NRG3: variants seen among roughly 807,000 people sequenced by gnomAD.
NRG3 encodes the protein pro-neuregulin-3, membrane-bound isoform.
Under a neutral mutation model 66.9 loss-of-function variants are expected in NRG3, and 31 were observed. The ratio of observed to expected loss-of-function variants is 0.46; its 90% CI spans 0.35 to 0.63. The LOEUF (loss-of-function observed/expected upper bound fraction) is 0.63, where lower values mean the gene tolerates loss of function less well. NRG3 is among the 20% of genes least tolerant of loss of function. NRG3 has a pLI of 0.00. For missense variants in NRG3, 910 were observed against 878.9 expected (o/e 1.04, Z -0.45); for synonymous variants, 393 against 359.4 (o/e 1.09, Z -1.06).
At chr10:82,216,606 A>G (rs1339383836) in intron 1 of NRG3, among the ~76,000 whole-genome samples, 1 of 127,494 alleles carries the variant, frequency 7.8e-6, no homozygotes, top group Non-Finnish European at 1.6e-5. Flanking sequence ...ATAGATATAT[A>G]TAGATATATA....
chr10:82,752,756 CT>C (rs2058922996), intron 3 of NRG3, among the ~76,000 whole-genome samples: 1 of 152,206 alleles, frequency 6.6e-6, no homozygotes, highest in Non-Finnish European at 1.5e-5. Flanking sequence ...AGCTGCCTTG[CT>C]TCTTCCACCA....
chr10:81,892,129 A>G (rs372838942), intron 1 of NRG3, among the ~76,000 whole-genome samples: 2 of 152,116 alleles, frequency 1.3e-5, no homozygotes, highest in Non-Finnish European at 1.5e-5. Flanking sequence ...CTTGTTTACA[A>G]CTTTAAAAAA....
At chr10:82,016,249 T>C (rs1190068492) in intron 1 of NRG3, among the ~76,000 whole-genome samples, 1 of 152,100 alleles carries the variant, frequency 6.6e-6, no homozygotes, top group Non-Finnish European at 1.5e-5. Flanking sequence ...GCCCATAGAA[T>C]GTGCTTTTAC....
In NRG3 at chr10:82,636,706, T is replaced by G. The variant is rs12261711; in HGVS notation, c.954-101871T>G. ...ATTCTAAATAATGTTGCAATGAACA[T>G]GGGCATGGAGATATCTTTATGAGGT... On this transcript the variant is annotated intron_variant, in intron 2 of 8. Coordinates refer to ENST00000372141, the MANE Select transcript of NRG3 (RefSeq NM_001010848.4). 8.9e-4 allele frequency among the ~76,000 whole-genome samples: 136 copies of G among 152,282 alleles called. 2 individuals carry two copies. Among genetic ancestry groups the G allele is most frequent in the African/African-American group, 3.2e-3 (131 of 41,546 alleles).
At chr10:81,916,534 G>T (rs1286074117) in intron 1 of NRG3, among the ~76,000 whole-genome samples, 1 of 152,202 alleles carries the variant, frequency 6.6e-6, no homozygotes, top group East Asian at 1.9e-4. Flanking sequence ...GGGGGGCTTT[G>T]TGTAGCATCA....
At chr10:82,732,832 A>G (rs954131927) in intron 2 of NRG3, among the ~76,000 whole-genome samples, 2 of 152,212 alleles carry the variant, frequency 1.3e-5, no homozygotes, top group African/African-American at 4.8e-5. Flanking sequence ...ATGCCAGACG[A>G]TCTTTCCATT....
At chr10:82,186,260 A>G (rs761683162) in intron 1 of NRG3, among the ~76,000 whole-genome samples, 9 of 152,284 alleles carry the variant, frequency 5.9e-5, no homozygotes, top group Middle Eastern at 3.4e-3. Context: ...AATCTTCACC[A>G]GTAAAGAGGA....
chr10:82,966,720 C>T (rs924734441), intron 6 of NRG3, among the ~76,000 whole-genome samples: 6 of 152,146 alleles, frequency 3.9e-5, no homozygotes, highest in African/African-American at 1.4e-4. Context: ...TGTCTCTTCT[C>T]TCCCATTTAC....
intron 2 of NRG3, among the ~76,000 whole-genome samples, chr10:82,655,159 C>A (rs2051739077): frequency 6.6e-6 from 1 of 151,552 alleles, no homozygotes; most frequent in South Asian, 2.1e-4. Flanking sequence ...AGAAATAGTA[C>A]AGTGAAAGTA....
At chr10:82,104,948 G>C (rs1232127653) in intron 1 of NRG3, among the ~76,000 whole-genome samples, 1 of 151,992 alleles carries the variant, frequency 6.6e-6, no homozygotes, top group African/African-American at 2.4e-5. Flanking sequence ...TGAGCTGGTG[G>C]TTTTACATGT....
intron 1 of NRG3, among the ~76,000 whole-genome samples, chr10:81,980,700 G>C (rs1049869288): frequency 5.3e-5 from 8 of 152,094 alleles, no homozygotes; most frequent in African/African-American, 1.9e-4. Context: ...TCATATAATA[G>C]GTGCTTTAAA....
intron 8 of NRG3, 114 bp from the exon 9 acceptor site, chr10:82,984,984 G>A (rs1853309646): frequency 1.5e-6 from 2 of 1,344,228 alleles, no homozygotes; most frequent in African/African-American, 2.9e-5. Context: ...GTCTCATGGG[G>A]TTGCTGTGAG....
intron 2 of NRG3, among the ~76,000 whole-genome samples, chr10:82,498,806 G>A (rs1285957759): frequency 1.3e-5 from 2 of 152,070 alleles, no homozygotes; most frequent in South Asian, 2.1e-4. Flanking sequence ...GCACTGTGGG[G>A]GTTCTTGAGA....
intron 1 of NRG3, among the ~76,000 whole-genome samples, chr10:82,187,589 C>A (rs1427297965): frequency 1.3e-5 from 2 of 152,054 alleles, no homozygotes; most frequent in African/African-American, 2.4e-5. Flanking sequence ...CATTTCAAAC[C>A]AGATACTGTG....
At position 82,312,815 on chromosome 10, in the gene NRG3, C is replaced by T. The variant is rs577169246; in HGVS notation, c.824-45924C>T. Among the ~76,000 whole-genome samples, 25 of 151,896 alleles carry T rather than the reference C, an allele frequency of 1.6e-4. 1 individual carries two copies. The South Asian group carries it at 5.2e-3, about 32-fold the overall frequency. ...ATTTGTACAGCATTAGTAATTTTTG[C>T]TCAATCAAAAGACTATGCTGAATAA... On this transcript the variant is annotated intron_variant, in intron 1 of 8. Transcript: ENST00000372141.
chr10:82,750,675 G>A (rs1309259664), intron 3 of NRG3, among the ~76,000 whole-genome samples: 1 of 152,088 alleles, frequency 6.6e-6, no homozygotes, highest in East Asian at 1.9e-4. Flanking sequence ...CAGACATTCA[G>A]ATAAATTAAT....
chr10:82,080,847 T>A lies in NRG3; in HGVS notation c.823+204684T>A, dbSNP rs532233320. 7.6e-4 allele frequency among the ~76,000 whole-genome samples: 116 copies of A among 152,276 alleles called. No individual in the cohort carries two copies. In the Middle Eastern group the frequency reaches 0.014, roughly 18 times the overall value. On this transcript the variant is annotated intron_variant, in intron 1 of 8. Coordinates refer to ENST00000372141, the MANE Select transcript of NRG3 (RefSeq NM_001010848.4). ...CATCACCACTATCTATACCCAAAAC[T>A]TTTTCATCATCAACAAAATCTCTAT...
At chr10:82,310,677 G>C (rs535747580) in intron 1 of NRG3, among the ~76,000 whole-genome samples, 2 of 151,922 alleles carry the variant, frequency 1.3e-5, no homozygotes, top group Admixed American at 6.6e-5. Flanking sequence ...GCGAAATACC[G>C]TAAGAACTCT....
At chr10:81,978,927 A>C (rs2060225064) in intron 1 of NRG3, among the ~76,000 whole-genome samples, 2 of 152,166 alleles carry the variant, frequency 1.3e-5, no homozygotes, top group African/African-American at 4.8e-5. Context: ...GTGGTGGCTC[A>C]TGCCTGTAAT....
Sources: allele counts gnomAD v4.1 joint callset (sites outside exome capture counted in the v4.1 genomes callset), GRCh38; gene constraint gnomAD v4.1.1; transcripts MANE v1.5; gene names NCBI Gene and HGNC (gene_info 2026-07-23, HGNC 2026-07-21).